The following ATPAF2 variants were observed in gnomAD, a reference collection of about 807,000 sequenced individuals.
The protein encoded by ATPAF2 is ATP synthase mitochondrial F1 complex assembly factor 2.
Under a neutral mutation model 36.6 loss-of-function variants are expected in ATPAF2, and 30 were observed. The observed-to-expected ratio is 0.82, with a 90% confidence interval of 0.61 to 1.11. ATPAF2 has a LOEUF of 1.11. Among genes scored for constraint, ATPAF2 ranks in the 50% most tolerant of loss-of-function variants. The pLI, the probability that ATPAF2 is intolerant of heterozygous loss-of-function variation, is 0.00. For missense variants in ATPAF2, 321 were observed against 372.3 expected, an observed-to-expected ratio of 0.86 and a Z score of 1.13; for synonymous variants, 140 against 152.6, an observed-to-expected ratio of 0.92 and a Z score of 0.61.
rs141070786 is a variant in ATPAF2, at chr17:18,024,534, G to A, written c.503+90C>T. ...AAATCAGAAAGCTGACTAGCTAAGGGCACTAGTTTTCCAGCGTGACCCCCT... is the reference window on the plus strand; with the variant it reads ...AAATCAGAAAGCTGACTAGCTAAGGACACTAGTTTTCCAGCGTGACCCCCT... On this transcript the variant is annotated intron_variant, in intron 5 of 7. Transcript: ENST00000474627. 41 of 1,068,068 alleles carry A rather than the reference G, an allele frequency of 3.8e-5. No homozygotes were observed. The African/African-American group carries it at 6.0e-4, about 16-fold the overall frequency. 66.2% of individuals were successfully genotyped at this position (1,068,068 alleles called of 1,614,324 possible).
chr17:18,016,100 G>A (rs200381151), downstream of ATPAF2: 14,046 of 1,613,822 alleles, frequency 8.7e-3, 90 homozygotes, highest in Non-Finnish European at 0.011. Flanking sequence ...TAATGCTGTC[G>A]GGGCATCGCA....
At chr17:18,031,084 T>A (rs1476691075) in intron 1 of ATPAF2, among the ~76,000 whole-genome samples, 1 of 149,900 alleles carries the variant, frequency 6.7e-6, no homozygotes, top group Non-Finnish European at 1.5e-5. Context: ...ACCATTCTCC[T>A]GCCTCAGCCT....
chr17:18,036,006 A>T (rs890698470), intron 1 of ATPAF2, among the ~76,000 whole-genome samples: 1 of 152,236 alleles, frequency 6.6e-6, no homozygotes, highest in Admixed American at 6.5e-5. Flanking sequence ...GGGAGTCAAT[A>T]GACCTCTGAT....
At chr17:18,038,804 C>A in intron 1 of ATPAF2, 77 bp downstream of exon 1, 1 of 1,592,238 alleles carries the variant, frequency 6.3e-7, no homozygotes, top group South Asian at 1.1e-5. Flanking sequence ...TCAGTTACTT[C>A]GCTTTGCACA....
chr17:18,026,517 A>G (rs997537634), intron 3 of ATPAF2, 101 bp from the exon 4 acceptor site: 2 of 881,420 alleles, frequency 2.3e-6, no homozygotes, highest in African/African-American at 1.6e-5. Context: ...AGACAGCACC[A>G]CAGCACAGCC....
downstream of ATPAF2, chr17:18,016,408 A>G: frequency 1.3e-6 from 1 of 782,200 alleles, no homozygotes; most frequent in African/African-American, 1.7e-5. Context: ...CCTCAAATAT[A>G]CAGAGATCAG....
At chr17:18,038,800 A>G in intron 1 of ATPAF2, 81 bp downstream of exon 1, 1 of 1,585,968 alleles carries the variant, frequency 6.3e-7, no homozygotes, top group Non-Finnish European at 8.6e-7. Flanking sequence ...TGCCTCAGTT[A>G]CTTCGCTTTG....
At position 18,021,163 on chromosome 17, in the gene ATPAF2, T is replaced by C; in HGVS notation, c.692A>G (p.Glu231Gly). 1 of 1,613,966 alleles carries C rather than the reference T, an allele frequency of 6.2e-7. No individual in the cohort carries two copies. The highest frequency in any genetic ancestry group is 1.7e-5 in the Admixed American group (1 of 60,016). ...LGLIDLRLTV[E>G]QAVLLSRLEE... ...CAGGCGTGACAGCAGCACGGCCTGC[T>C]CCACTGTCAGGCGCAGGTCAATCAG... Residue 231 changes from glutamate (E) to glycine (G), a missense_variant, in exon 7 of 8, where the codon GAG becomes GGG. Glu to Gly is a moderately conservative substitution (Grantham distance 98). Coordinates refer to ENST00000474627, the MANE Select transcript of ATPAF2 (RefSeq NM_145691.4).
At chr17:18,016,347 A>G (rs946778765), downstream of ATPAF2, 1 of 951,464 alleles carries the variant, frequency 1.1e-6, no homozygotes, top group African/African-American at 1.6e-5. Flanking sequence ...TGAAGACAAC[A>G]TTGCCCAGAG....
intron 1 of ATPAF2, among the ~76,000 whole-genome samples, chr17:18,031,043 G>A (rs1412716228): frequency 1.4e-5 from 2 of 144,882 alleles, no homozygotes; most frequent in African/African-American, 5.2e-5. Flanking sequence ...CGCGATCTCG[G>A]TTCACTGCAA....
intron 1 of ATPAF2, among the ~76,000 whole-genome samples, chr17:18,029,069 G>A (rs1193840780): frequency 4.6e-5 from 7 of 152,218 alleles, no homozygotes; most frequent in Non-Finnish European, 1.0e-4. Flanking sequence ...ATGCCTCTAA[G>A]GAGTGAGTGG....
chr17:18,033,756 T>C (rs545003095), intron 1 of ATPAF2, among the ~76,000 whole-genome samples: 1 of 152,258 alleles, frequency 6.6e-6, no homozygotes, highest in African/African-American at 2.4e-5. Flanking sequence ...AGGGCGGCTC[T>C]AACCAACTCT....
At chr17:18,021,319 C>A in intron 6 of ATPAF2, 81 bp from the exon 7 acceptor site, 1 of 1,069,610 alleles carries the variant, frequency 9.3e-7, no homozygotes, top group Non-Finnish European at 1.4e-6. Flanking sequence ...GCAGCCCTAG[C>A]AGAGAACAGG....
At chr17:18,030,616 G>A (rs1221360139) in intron 1 of ATPAF2, among the ~76,000 whole-genome samples, 7 of 150,516 alleles carry the variant, frequency 4.7e-5, no homozygotes, top group African/African-American at 1.5e-4. Context: ...GGACAGGGAA[G>A]GGTAATGGAG....
intron 5 of ATPAF2, among the ~76,000 whole-genome samples, chr17:18,024,381 C>T (rs570850958): frequency 2.0e-5 from 3 of 152,182 alleles, no homozygotes; most frequent in Non-Finnish European, 4.4e-5. Flanking sequence ...AGAGCTGCCC[C>T]TACACTTCAT....
Position 18,018,425 on chromosome 17 carries a change from G to T in ATPAF2, c.*124C>A. The T allele has an allele frequency of 7.3e-7, 1 of 1,370,674 alleles. No individual in the cohort carries two copies. Among genetic ancestry groups the T allele is most frequent in the Non-Finnish European group, 1.0e-6 (1 of 975,716 alleles). 84.9% of individuals were successfully genotyped at this position (1,370,674 alleles called of 1,614,324 possible). On this transcript the variant is annotated 3_prime_UTR_variant, in exon 8 of 8. Transcript: ENST00000474627. ...GCACTGTGTCTCGGGGGGAATCTCA[G>T]GGTGACGCTGAGGCCGAGTCCCCAA...
intron 1 of ATPAF2, among the ~76,000 whole-genome samples, chr17:18,030,029 A>T (rs943883989): frequency 2.0e-5 from 3 of 151,968 alleles, no homozygotes; most frequent in Non-Finnish European, 4.4e-5. Flanking sequence ...TACAAAAAAT[A>T]CAAAAATGAG....
At chr17:18,025,022 A>C in intron 4 of ATPAF2, 3 of 398,556 alleles carry the variant, frequency 7.5e-6, no homozygotes, top group Non-Finnish European at 4.7e-6. Context: ...ACTACCCTAA[A>C]TGCCCCCAAA....
At chr17:18,029,579 A>T (rs2044597000) in intron 1 of ATPAF2, among the ~76,000 whole-genome samples, 1 of 151,770 alleles carries the variant, frequency 6.6e-6, no homozygotes, top group Non-Finnish European at 1.5e-5. Context: ...CATTTGCTTT[A>T]TTTATTTATT....
Sources: gnomAD v4.1 joint callset for allele counts (sites outside exome capture counted in the v4.1 genomes callset) on GRCh38, gnomAD v4.1.1 for gene constraint, MANE v1.5 for transcripts, NCBI Gene and HGNC (gene_info 2026-07-23, HGNC 2026-07-21) for gene names.